KCNIP4: variants seen among roughly 807,000 people sequenced by gnomAD.
KCNIP4 encodes Kv channel-interacting protein 4.
A neutral mutation model predicts 34.0 loss-of-function variants in KCNIP4; 12 were observed. The ratio of observed to expected loss-of-function variants is 0.35; its 90% confidence interval spans 0.23 to 0.57. The LOEUF is 0.57. Among genes scored for constraint, KCNIP4 ranks in the 20% least tolerant of loss-of-function variants. KCNIP4 has a pLI of 0.83. For missense variants in KCNIP4, 238 were observed against 311.7 expected (o/e 0.76, Z 1.78); for synonymous variants, 124 against 102.2 (o/e 1.21, Z -1.29).
intron 1 of KCNIP4, among the ~76,000 whole-genome samples, chr4:21,451,408 G>A (rs189257733): frequency 4.5e-4 from 68 of 152,246 alleles, no homozygotes; most frequent in Non-Finnish European, 7.1e-4. Flanking sequence ...CTCCATGGGG[G>A]CAGTGAAAAG....
At chr4:21,033,038 CAGTT>C (rs1741147733) in intron 1 of KCNIP4, among the ~76,000 whole-genome samples, 1 of 152,060 alleles carries the variant, frequency 6.6e-6, no homozygotes, top group Non-Finnish European at 1.5e-5. Context: ...AGATATTAGA[CAGTT>C]AGGAGGCTTT....
At chr4:21,788,720 G>A (rs1464233458) in intron 1 of KCNIP4, among the ~76,000 whole-genome samples, 4 of 152,044 alleles carry the variant, frequency 2.6e-5, no homozygotes, top group African/African-American at 9.7e-5. Flanking sequence ...ACCTACATGA[G>A]CCCCTGACAT....
At chr4:21,454,359 A>G (rs1728751478) in intron 1 of KCNIP4, among the ~76,000 whole-genome samples, 1 of 152,060 alleles carries the variant, frequency 6.6e-6, no homozygotes, top group African/African-American at 2.4e-5. Context: ...ATAAATGTTT[A>G]ACTCACTCTC....
chr4:20,799,345 T>C (rs998559269), intron 3 of KCNIP4, among the ~76,000 whole-genome samples: 3 of 152,140 alleles, frequency 2.0e-5, no homozygotes, highest in Non-Finnish European at 4.4e-5. Context: ...AGACTAGTTG[T>C]TTGCCCCAGC....
chr4:21,591,818 G>A (rs1742246381), intron 1 of KCNIP4, among the ~76,000 whole-genome samples: 1 of 152,054 alleles, frequency 6.6e-6, no homozygotes, highest in Non-Finnish European at 1.5e-5. Flanking sequence ...AGAGATTCCT[G>A]AATTTGTAGC....
intron 1 of KCNIP4, among the ~76,000 whole-genome samples, chr4:21,327,603 C>A (rs1715215857): frequency 6.6e-6 from 1 of 152,028 alleles, no homozygotes; most frequent in Admixed American, 6.6e-5. Context: ...TTGGGAAGTT[C>A]TCTGTTATTA....
At chr4:21,489,653 G>T (rs997286004) in intron 1 of KCNIP4, among the ~76,000 whole-genome samples, 2 of 151,974 alleles carry the variant, frequency 1.3e-5, no homozygotes, top group Non-Finnish European at 2.9e-5. Context: ...ACATTTAATT[G>T]TGTTATTCTT....
intron 1 of KCNIP4, among the ~76,000 whole-genome samples, chr4:21,237,298 G>C (rs950200067): frequency 6.6e-6 from 1 of 152,224 alleles, no homozygotes; most frequent in South Asian, 2.1e-4. Context: ...ATTTTATAAC[G>C]AGGGAGATGA....
chr4:20,825,235 T>G (rs1445344515), intron 3 of KCNIP4, among the ~76,000 whole-genome samples: 4 of 148,066 alleles, frequency 2.7e-5, no homozygotes, highest in Non-Finnish European at 4.5e-5. Flanking sequence ...GTTTTTTTTT[T>G]TTTTTTTTTT....
chr4:21,417,042 A>G (rs971638643), intron 1 of KCNIP4, among the ~76,000 whole-genome samples: 1 of 152,188 alleles, frequency 6.6e-6, no homozygotes, highest in Non-Finnish European at 1.5e-5. Context: ...GTGTTTTGTA[A>G]GGAAATGATG....
rs141969270 is a variant in KCNIP4 at position 21,295,275 on chromosome 4, G to A, written c.62-412566C>T. ...ATATAAAGGAAGTCTGAAAATAAGT[G>A]TTGAATCCATGCCCTGGTGGTATCT... On this transcript the variant is annotated intron_variant, in intron 1 of 8. Transcript: ENST00000382152. Among the ~76,000 whole-genome samples the A allele has an allele frequency of 1.3e-3, 199 of 152,232 alleles. 2 individuals carry two copies. The highest frequency in any genetic ancestry group is 3.4e-3 in the Middle Eastern group (1 of 294).
chr4:21,507,608 C>T (rs1349950308), intron 1 of KCNIP4, among the ~76,000 whole-genome samples: 2 of 152,082 alleles, frequency 1.3e-5, no homozygotes, highest in Non-Finnish European at 1.5e-5. Flanking sequence ...TAAGATGCAG[C>T]TTTTTAAATT....
At chr4:21,347,503 A>G (rs1717571892) in intron 1 of KCNIP4, among the ~76,000 whole-genome samples, 1 of 152,314 alleles carries the variant, frequency 6.6e-6, no homozygotes, top group East Asian at 1.9e-4. Flanking sequence ...GAAGTCTGAG[A>G]AATGTAGCTC....
intron 1 of KCNIP4, among the ~76,000 whole-genome samples, chr4:21,098,860 T>C (rs980359598): frequency 3.9e-5 from 6 of 152,058 alleles, no homozygotes; most frequent in African/African-American, 1.2e-4. Flanking sequence ...AACAAACATA[T>C]GAAAAAAAGC....
At chr4:21,253,654 C>G (rs1243244848) in intron 1 of KCNIP4, among the ~76,000 whole-genome samples, 4 of 152,294 alleles carry the variant, frequency 2.6e-5, no homozygotes, top group Non-Finnish European at 5.9e-5. Context: ...ATTCTTAATA[C>G]TGGCTATGTA....
intron 1 of KCNIP4, among the ~76,000 whole-genome samples, chr4:21,432,909 A>T (rs1480244144): frequency 1.3e-5 from 2 of 152,136 alleles, no homozygotes. Flanking sequence ...CTATTACCAG[A>T]ATAGATGATT....
intron 1 of KCNIP4, among the ~76,000 whole-genome samples, chr4:21,232,085 G>A (rs577878312): frequency 1.1e-4 from 16 of 152,216 alleles, no homozygotes; most frequent in African/African-American, 2.9e-4. Context: ...CACCACTGCC[G>A]ATAAATTGCT....
At chr4:21,726,564 A>G (rs1715210729) in intron 1 of KCNIP4, among the ~76,000 whole-genome samples, 1 of 152,206 alleles carries the variant, frequency 6.6e-6, no homozygotes. Flanking sequence ...CATTTAGGCC[A>G]GCAACAATTT....
At position 20,833,484 on chromosome 4, in the gene KCNIP4, C is replaced by CAATAATAATAATAAT. The variant is rs375084319; in HGVS notation, c.288+17044_288+17058dup. Among the ~76,000 whole-genome samples the CAATAATAATAATAAT allele has an allele frequency of 1.9e-4, 28 of 150,914 alleles. No homozygotes were observed. The South Asian group carries it at 3.2e-3, about 17-fold the overall frequency. The stretch of plus-strand genomic sequence containing the variant: ...TGGGCAACAGAGTGAGACCCCATCT[C>CAATAATAATAATAAT]AATAATAATAATAATAATAATACTT... On this transcript the variant is annotated intron_variant, in intron 3 of 8. Coordinates refer to ENST00000382152, the MANE Select transcript of KCNIP4 (RefSeq NM_025221.6).
Sources: allele counts gnomAD v4.1 joint callset (sites outside exome capture counted in the v4.1 genomes callset), GRCh38; gene constraint gnomAD v4.1.1; transcripts MANE v1.5; gene names NCBI Gene and HGNC (gene_info 2026-07-23, HGNC 2026-07-21).